Variants in ADGRB1 observed in about 807,000 individuals in gnomAD.
ADGRB1 encodes adhesion G protein-coupled receptor B1.
In ADGRB1, 36 loss-of-function variants were observed where a neutral mutation model predicts 175.7. The observed-to-expected ratio is 0.20, with a 90% CI of 0.16 to 0.27. ADGRB1 has a LOEUF of 0.27. ADGRB1 is among the 10% of genes least tolerant of loss of function. The pLI is 1.00. For missense variants in ADGRB1, 1,731 were observed against 2,255.3 expected, an observed-to-expected ratio of 0.77 and a Z score of 4.71; for synonymous variants, 1,054 against 979.4, an observed-to-expected ratio of 1.08 and a Z score of -1.42.
At chr8:142,528,021 A>C (rs1403679112) in intron 24 of ADGRB1, among the ~76,000 whole-genome samples, 1 of 152,108 alleles carries the variant, frequency 6.6e-6, no homozygotes, top group East Asian at 1.9e-4. Flanking sequence ...CCAGGAGCGC[A>C]CCCAGACTCG....
chr8:142,500,084 GC>G (rs1453443240), intron 17 of ADGRB1, among the ~76,000 whole-genome samples: 1 of 152,080 alleles, frequency 6.6e-6, no homozygotes, highest in East Asian at 1.9e-4. Flanking sequence ...TGCGACTGGG[GC>G]CCCCAGGGCT....
chr8:142,544,221 C>T lies in ADGRB1; in HGVS notation c.4559C>T (p.Pro1520Leu), dbSNP rs757465664. 1.2e-5 allele frequency: 18 copies of T among 1,548,558 alleles called. No homozygotes were observed. Among genetic ancestry groups the T allele is most frequent in the South Asian group, 8.3e-5 (7 of 83,988 alleles). The change falls in exon 31 of 31, where the codon CCG becomes CTG. Residue 1520 changes from proline to leucine, a missense_variant and splice_region_variant. Transcript: ENST00000517894. ...DKEVLGPDSKPEKQQTPNKRP... is the reference protein window; with the variant it reads ...DKEVLGPDSKLEKQQTPNKRP... ...CCTGCACCACGGGCCACCCAGCAGC[C>T]GGAAAAGCAGCAGACGCCCAACAAG...
chr8:142,464,679 G>C lies in ADGRB1; in HGVS notation c.481G>C (p.Gly161Arg). 3 of 1,524,846 alleles carry C rather than the reference G, an allele frequency of 2.0e-6. No individual in the cohort carries two copies. The highest frequency in any genetic ancestry group is 2.6e-6 in the Non-Finnish European group (3 of 1,141,918). The allele number at this position is 1,524,846 out of a possible 1,614,324, so 94.5% of individuals were successfully genotyped here. A position where few individuals can be genotyped will look rare whatever the true frequency, so the allele number is the denominator to read the frequency against. Reference protein sequence around the residue: ...PQHDGLRPRAGPPGPTDDFSV... With the variant: ...PQHDGLRPRARPPGPTDDFSV... ...GCACGACGGGCTCCGGCCCCGGGCCGGGCCGCCGGGCCCCACCGACGACTT... is the reference window on the plus strand; with the variant it reads ...GCACGACGGGCTCCGGCCCCGGGCCCGGCCGCCGGGCCCCACCGACGACTT... Residue 161 changes from glycine to arginine, a missense_variant, in exon 2 of 31, where the codon GGG (glycine) becomes CGG (arginine). Coordinates refer to ENST00000517894, the MANE Select transcript of ADGRB1 (RefSeq NM_001702.3).
chr8:142,522,522 C>G (rs1052897976), intron 21 of ADGRB1, 119 bp from the exon 22 acceptor site: 1 of 998,752 alleles, frequency 1.0e-6, no homozygotes, highest in African/African-American at 1.7e-5. Context: ...GCCCCATCCT[C>G]TGTTGGGGGC....
In ADGRB1 at chr8:142,464,303, C is replaced by T. The variant is rs572320691; in HGVS notation, c.105C>T (p.Asp35=). Residue 35 remains aspartate (D), a synonymous_variant, in exon 2 of 31, where the codon GAC becomes GAT. Transcript: ENST00000517894. Reference sequence around the variant, plus strand: ...GCGCGCGGGCGGCCGCCGGAGCAGACGCGGGGCCCGGGCCCGAGCCGTGCG... The same window carrying T: ...GCGCGCGGGCGGCCGCCGGAGCAGATGCGGGGCCCGGGCCCGAGCCGTGCG... ...GRRARAAAGA[D]AGPGPEPCAT... The T allele has an allele frequency of 5.7e-6, 8 of 1,402,358 alleles. No homozygotes were observed. Among genetic ancestry groups the T allele is most frequent in the Non-Finnish European group, 7.4e-6 (8 of 1,086,738 alleles). The allele number at this position is 1,402,358 out of a possible 1,614,324, so 86.9% of individuals were successfully genotyped here.
In ADGRB1 at chr8:142,509,940, A is replaced by C. The variant is rs147743677; in HGVS notation, c.2676-992A>C. Among the ~76,000 whole-genome samples, 524 of 152,258 alleles carry C rather than the reference A, an allele frequency of 3.4e-3. 1 individual carries two copies. The highest frequency in any genetic ancestry group is 5.9e-3 in the Non-Finnish European group (398 of 68,014). ...GCCTCCTGGGCAGTTTCTGCAAGCC[A>C]AGCCCCAGCAGGCAGGAAGGCAGGC... On this transcript the variant is annotated intron_variant, in intron 17 of 30. Transcript: ENST00000517894.
At chr8:142,487,961 C>T (rs901375465) in intron 13 of ADGRB1, among the ~76,000 whole-genome samples, 6 of 152,210 alleles carry the variant, frequency 3.9e-5, no homozygotes, top group African/African-American at 1.2e-4. Context: ...GCTGGGCTCC[C>T]CTGTCCCAGG....
intron 1 of ADGRB1, among the ~76,000 whole-genome samples, chr8:142,456,750 G>A (rs990218799): frequency 2.0e-5 from 3 of 152,252 alleles, no homozygotes; most frequent in Non-Finnish European, 4.4e-5. Context: ...CCATAACACC[G>A]CGGCCTGCCC....
In ADGRB1 at chr8:142,542,427, C is replaced by A. The variant is rs1845328856; in HGVS notation, c.4193C>A (p.Pro1398His). The change falls in exon 28 of 31, where the codon CCC (proline) becomes CAC (histidine). Residue 1398 changes from proline to histidine, a missense_variant. This residue lies in a region of ADGRB1 where 394 missense variants were observed against 410.2 expected (regional missense o/e 0.96). Coordinates refer to ENST00000517894, the MANE Select transcript of ADGRB1 (RefSeq NM_001702.3). The surrounding 1 kb of genome is among the most constrained non-coding windows in gnomAD (Gnocchi z 6.3). ...GCCCGCAGCCCGCCCTCCCGCCAGC[C>A]CCCCAGCGGCGGGCCCCCCGAGGCA... Reference protein sequence around the residue: ...LPARSPPSRQPPSGGPPEAPP... With the variant: ...LPARSPPSRQHPSGGPPEAPP... The A allele has an allele frequency of 6.6e-7, 1 of 1,521,144 alleles. No individual in the cohort carries two copies. The allele number at this position is 1,521,144 out of a possible 1,614,324, so 94.2% of individuals were successfully genotyped here. A position where few individuals can be genotyped will look rare whatever the true frequency, so the allele number is the denominator to read the frequency against.
intron 26 of ADGRB1, 114 bp from the exon 27 acceptor site, chr8:142,539,259 CA>C (rs2132268155): frequency 9.2e-7 from 1 of 1,082,132 alleles, no homozygotes; most frequent in Non-Finnish European, 1.3e-6. Context: ...TGGACATGGA[CA>C]GGGGTTCCTC....
In ADGRB1 at chr8:142,474,954, G is replaced by A. The variant is rs1840871974; in HGVS notation, c.785-520G>A. The stretch of plus-strand genomic sequence containing the variant: ...ATCACCACTGGTATACCTGCGTGGG[G>A]TGAAGAAGCGGCTCCAGGTCACAGC... On this transcript the variant is annotated intron_variant, in intron 2 of 30. Coordinates refer to ENST00000517894, the MANE Select transcript of ADGRB1 (RefSeq NM_001702.3). This position sits in a 1 kb window ranked among gnomAD's most constrained non-coding sequence, Gnocchi z 5.8. Among the ~76,000 whole-genome samples the A allele has an allele frequency of 1.3e-5, 2 of 152,182 alleles. No homozygotes were observed. Among genetic ancestry groups the A allele is most frequent in the South Asian group, 4.1e-4 (2 of 4,832 alleles).
rs924013204 is a variant in ADGRB1, at chr8:142,542,933, C to G, written c.4413+286C>G. Among the ~76,000 whole-genome samples, 4 of 152,190 alleles carry G rather than the reference C, an allele frequency of 2.6e-5. No homozygotes were observed. The highest frequency in any genetic ancestry group is 9.6e-5 in the African/African-American group (4 of 41,458). Reference sequence around the variant, plus strand: ...CACCTCGCACAGTCGCTAGTCCAGCCCTTGGGGCAGCCTGGCAGCACATAC... The same window carrying G: ...CACCTCGCACAGTCGCTAGTCCAGCGCTTGGGGCAGCCTGGCAGCACATAC... On this transcript the variant is annotated intron_variant, in intron 28 of 30. Coordinates refer to ENST00000517894, the MANE Select transcript of ADGRB1 (RefSeq NM_001702.3). The surrounding 1 kb of genome is among the most constrained non-coding windows in gnomAD (Gnocchi z 6.3).
chr8:142,535,269 G>C (rs1844860319), intron 25 of ADGRB1, among the ~76,000 whole-genome samples: 1 of 152,218 alleles, frequency 6.6e-6, no homozygotes, highest in South Asian at 2.1e-4. Context: ...GGGCCAGCTG[G>C]AGCAGAGGGC....
At chr8:142,531,109 A>G (rs1340071980) in intron 24 of ADGRB1, among the ~76,000 whole-genome samples, 1 of 152,224 alleles carries the variant, frequency 6.6e-6, no homozygotes, top group Non-Finnish European at 1.5e-5. Flanking sequence ...AGAAGTCTCC[A>G]TGGGGAGGGA....
At chr8:142,539,607 C>G in intron 27 of ADGRB1, 194 bp downstream of exon 27, 1 of 660,418 alleles carries the variant, frequency 1.5e-6, no homozygotes, top group Non-Finnish European at 2.6e-6. Context: ...CACCCCCGTC[C>G]ACTTCCTGAG....
intron 24 of ADGRB1, among the ~76,000 whole-genome samples, chr8:142,530,631 C>T (rs1563746457): frequency 6.6e-6 from 1 of 152,176 alleles, no homozygotes; most frequent in African/African-American, 2.4e-5. Flanking sequence ...GCTGGGGCAG[C>T]GTCCACACTG....
rs759338013 is a variant in ADGRB1, at chr8:142,543,374, G to A, written c.4414-29G>A. ...CGTGGACTTGTCAGGGACCCTTGGC[G>A]AATGTTCGCAAACCCCTTCTCCCTG... On this transcript the variant is annotated intron_variant, in intron 28 of 30. Transcript: ENST00000517894. This position sits in a 1 kb window ranked among gnomAD's most constrained non-coding sequence, Gnocchi z 4.4. 8.1e-6 allele frequency: 13 copies of A among 1,613,244 alleles called. No individual in the cohort carries two copies. Among genetic ancestry groups the A allele is most frequent in the Middle Eastern group, 1.7e-4 (1 of 6,058 alleles).
chr8:142,527,807 T>G (rs776521285), intron 24 of ADGRB1, among the ~76,000 whole-genome samples: 2 of 152,216 alleles, frequency 1.3e-5, no homozygotes, highest in Admixed American at 6.5e-5. Flanking sequence ...TTTGTTTGCT[T>G]CTTAGAATAA....
chr8:142,530,653 C>T (rs574944723), intron 24 of ADGRB1, among the ~76,000 whole-genome samples: 1 of 152,296 alleles, frequency 6.6e-6, no homozygotes, highest in East Asian at 1.9e-4. Context: ...CCTGCCAGGC[C>T]CCGGGAAGTT....
Sources: allele counts gnomAD v4.1 joint callset (sites outside exome capture counted in the v4.1 genomes callset), GRCh38; gene constraint gnomAD v4.1.1; regional missense constraint gnomAD v4.1.1; non-coding constraint Gnocchi (gnomAD v3.1); transcripts MANE v1.5; gene names NCBI Gene and HGNC (gene_info 2026-07-23, HGNC 2026-07-21).